Variants in HS3ST4 observed in about 807,000 individuals in gnomAD.
The protein encoded by HS3ST4 is heparan sulfate glucosamine 3-O-sulfotransferase 4.
In HS3ST4, 17 loss-of-function variants were observed where a neutral mutation model predicts 29.2. That is an observed-to-expected ratio of 0.58 (90% confidence interval 0.40 to 0.87). HS3ST4 has a LOEUF of 0.87. Ranked by LOEUF, HS3ST4 falls within the 40% of genes least tolerant of loss-of-function variation. HS3ST4 has a pLI of 0.00. For missense variants in HS3ST4, 627 were observed against 634.5 expected, an observed-to-expected ratio of 0.99 and a Z score of 0.13; for synonymous variants, 314 against 285.7, an observed-to-expected ratio of 1.10 and a Z score of -1.00.
intron 1 of HS3ST4, chr16:25,824,570 A>T (rs539734057): frequency 6.6e-6 from 1 of 152,224 alleles, no homozygotes; most frequent in Non-Finnish European, 1.5e-5. Flanking sequence ...TCAAGAGAAC[A>T]GCATGGGGAA....
At position 25,885,052 on chromosome 16, in the gene HS3ST4, A is replaced by G. The variant is rs560602629; in HGVS notation, c.734+191901A>G. ...CAGAATAAAAATGACGAGCATAACC[A>G]TTTCAGAATAAAAAATGACAAGCTT... is the stretch of plus-strand genomic sequence containing the variant. On this transcript the variant is annotated intron_variant, in intron 1 of 1. Transcript: ENST00000331351. Among the ~76,000 whole-genome samples, 19 of 152,286 alleles carry G rather than the reference A, an allele frequency of 1.2e-4. No individual in the cohort carries two copies. In the South Asian group the frequency reaches 3.7e-3, roughly 30 times the overall value.
At chr16:25,816,580 C>T (rs984840965) in intron 1 of HS3ST4, among the ~76,000 whole-genome samples, 5 of 152,252 alleles carry the variant, frequency 3.3e-5, no homozygotes, top group East Asian at 1.9e-4. Context: ...AGAACATAAA[C>T]GGAATCAGAA....
intron 1 of HS3ST4, among the ~76,000 whole-genome samples, chr16:25,803,533 G>GT (rs1186406880): frequency 6.6e-6 from 1 of 152,098 alleles, no homozygotes; most frequent in Non-Finnish European, 1.5e-5. Context: ...CCAAAATGAA[G>GT]TTTTTTCCCA....
intron 1 of HS3ST4, among the ~76,000 whole-genome samples, chr16:25,694,767 G>A (rs1049276326): frequency 6.9e-6 from 1 of 144,832 alleles, no homozygotes; most frequent in Non-Finnish European, 1.5e-5. Context: ...GGGTAATTGC[G>A]TTTTTTTTTT....
chr16:25,752,773 C>A (rs1017997828), intron 1 of HS3ST4, among the ~76,000 whole-genome samples: 1 of 152,174 alleles, frequency 6.6e-6, no homozygotes, highest in Non-Finnish European at 1.5e-5. Flanking sequence ...TGCCATATTG[C>A]TAACTACATA....
At chr16:25,719,491 C>T (rs1049571826) in intron 1 of HS3ST4, among the ~76,000 whole-genome samples, 9 of 152,302 alleles carry the variant, frequency 5.9e-5, no homozygotes, top group East Asian at 1.9e-4. Context: ...GATTTCACTT[C>T]GCAAGAAATC....
At chr16:25,972,608 G>A (rs1000424347) in intron 1 of HS3ST4, among the ~76,000 whole-genome samples, 4 of 152,216 alleles carry the variant, frequency 2.6e-5, no homozygotes, top group Non-Finnish European at 5.9e-5. Context: ...ATCAGAGCAA[G>A]TGAGAGGACT....
At chr16:25,831,426 C>G (rs899747914) in intron 1 of HS3ST4, among the ~76,000 whole-genome samples, 1 of 149,800 alleles carries the variant, frequency 6.7e-6, no homozygotes, top group African/African-American at 2.5e-5. Context: ...CACACACACA[C>G]ACACACACAC....
chr16:26,134,171 A>T (rs1209382205), intron 1 of HS3ST4, among the ~76,000 whole-genome samples: 1 of 152,126 alleles, frequency 6.6e-6, no homozygotes, highest in Non-Finnish European at 1.5e-5. Context: ...GTGGAGGAGC[A>T]GCCTTAGCAA....
At chr16:25,968,615 G>A (rs1968867309) in intron 1 of HS3ST4, among the ~76,000 whole-genome samples, 1 of 152,174 alleles carries the variant, frequency 6.6e-6, no homozygotes, top group Non-Finnish European at 1.5e-5. Flanking sequence ...TCTAGATCCA[G>A]TTTGTCTGGG....
At chr16:25,943,170 A>T (rs12599506) in intron 1 of HS3ST4, among the ~76,000 whole-genome samples, 1 of 152,292 alleles carries the variant, frequency 6.6e-6, no homozygotes, top group East Asian at 1.9e-4. Flanking sequence ...AAATGCTGAG[A>T]TATTCTTAAG....
intron 1 of HS3ST4, among the ~76,000 whole-genome samples, chr16:25,738,727 G>T (rs746233832): frequency 6.6e-6 from 1 of 152,144 alleles, no homozygotes; most frequent in Non-Finnish European, 1.5e-5. Context: ...GATGACGTCT[G>T]CTGTAAGTGT....
intron 1 of HS3ST4, among the ~76,000 whole-genome samples, chr16:26,077,141 G>C (rs1325027324): frequency 6.6e-6 from 1 of 152,204 alleles, no homozygotes; most frequent in Non-Finnish European, 1.5e-5. Flanking sequence ...TGGTCTGGCT[G>C]TTCACTGGGC....
chr16:26,113,474 G>T (rs1404111903), intron 1 of HS3ST4, among the ~76,000 whole-genome samples: 1 of 131,242 alleles, frequency 7.6e-6, no homozygotes, highest in Non-Finnish European at 1.7e-5. Flanking sequence ...TATATGATGT[G>T]TGTGTGTGTG....
rs1322402231 is a variant in HS3ST4 at position 25,775,473 on chromosome 16, G to A, written c.734+82322G>A. ...ACCTAACCACTTGTTGGCCCGTTAAGTACAAAGTGAACTCCAAACTCCTTA... is the reference window on the plus strand; with the variant it reads ...ACCTAACCACTTGTTGGCCCGTTAAATACAAAGTGAACTCCAAACTCCTTA... On this transcript the variant is annotated intron_variant, in intron 1 of 1. Coordinates refer to ENST00000331351, the MANE Select transcript of HS3ST4 (RefSeq NM_006040.3). Among the ~76,000 whole-genome samples the A allele has an allele frequency of 7.2e-5, 11 of 152,260 alleles. No individual in the cohort carries two copies. In the South Asian group the frequency reaches 1.0e-3, roughly 14 times the overall value.
intron 1 of HS3ST4, among the ~76,000 whole-genome samples, chr16:25,955,297 G>GGACAA (rs1968720313): frequency 6.6e-6 from 1 of 152,074 alleles, no homozygotes; most frequent in Non-Finnish European, 1.5e-5. Flanking sequence ...CTAGGCTAGG[G>GGACAA]GACAAGACAA....
chr16:25,833,704 C>T (rs186024046), intron 1 of HS3ST4, among the ~76,000 whole-genome samples: 1 of 152,170 alleles, frequency 6.6e-6, no homozygotes, highest in Non-Finnish European at 1.5e-5. Context: ...TCTCTGATGC[C>T]GTGGACAGGG....
intron 1 of HS3ST4, among the ~76,000 whole-genome samples, chr16:26,101,743 G>C (rs1898992335): frequency 6.6e-6 from 1 of 152,146 alleles, no homozygotes; most frequent in Non-Finnish European, 1.5e-5. Flanking sequence ...ATCTGGAATA[G>C]ATGATGGTTG....
chr16:25,820,910 G>A (rs1967148076), intron 1 of HS3ST4, among the ~76,000 whole-genome samples: 2 of 151,936 alleles, frequency 1.3e-5, no homozygotes, highest in South Asian at 4.2e-4. Context: ...TTGATGATTG[G>A]TCCTTAGGAC....
Sources: allele counts gnomAD v4.1 joint callset (sites outside exome capture counted in the v4.1 genomes callset), GRCh38; gene constraint gnomAD v4.1.1; transcripts MANE v1.5; gene names NCBI Gene and HGNC (gene_info 2026-07-23, HGNC 2026-07-21).